The following PCDHGA3 variants were observed in gnomAD, a reference collection of about 807,000 sequenced individuals.
PCDHGA3 encodes the protein protocadherin gamma subfamily A, 3.
PCDHGA3 carries 40 observed loss-of-function variants against 58.5 expected under a neutral mutation model. The observed-to-expected ratio is 0.68, with a 90% CI of 0.53 to 0.89. PCDHGA3 has a LOEUF of 0.89. Among genes scored for constraint, PCDHGA3 ranks in the 40% least tolerant of loss-of-function variants. The pLI is 0.00. For synonymous variants in PCDHGA3, 530 were observed against 525.7 expected (o/e 1.01, Z -0.11); for missense variants, 1,223 against 1,195.9 (o/e 1.02, Z -0.33).
intron 1 of PCDHGA3, chr5:141,356,981 T>C: frequency 6.2e-7 from 1 of 1,614,246 alleles, no homozygotes; most frequent in South Asian, 1.1e-5. Flanking sequence ...GTGGTGGCAG[T>C]GGACAGAGAC....
At chr5:141,385,260 A>G (rs1337413063) in intron 1 of PCDHGA3, 1 of 1,613,648 alleles carries the variant, frequency 6.2e-7, no homozygotes, top group African/African-American at 1.3e-5. Flanking sequence ...GCTGTGAGAA[A>G]AATGATTCTT....
intron 1 of PCDHGA3, among the ~76,000 whole-genome samples, chr5:141,436,292 G>T (rs2097808605): frequency 6.6e-6 from 1 of 152,158 alleles, no homozygotes; most frequent in Non-Finnish European, 1.5e-5. Context: ...ACAAATCATT[G>T]AGAGTTAGAG....
rs375882135 is a variant in PCDHGA3 at position 141,389,276 on chromosome 5, G to C, written c.2424+42819G>C. The C allele has an allele frequency of 7.9e-5, 128 of 1,613,976 alleles. No individual in the cohort carries two copies. In the Middle Eastern group the frequency reaches 1.8e-3, roughly 23 times the overall value. On this transcript the variant is annotated intron_variant, in intron 1 of 3. Coordinates refer to ENST00000253812, the MANE Select transcript of PCDHGA3 (RefSeq NM_018916.4). ...TAGTCCACGTGGCCGAGAACAACCC[G>C]CCTGGAGCCTCTATTTCACAAGTCA...
chr5:141,468,648 C>G (rs60206946), intron 1 of PCDHGA3: 27,626 of 151,800 alleles, frequency 0.18, 2,687 homozygotes, highest in Admixed American at 0.28. Flanking sequence ...GGGCGGATCA[C>G]AAGGTCAGGA....
At chr5:141,414,520 A>G in intron 1 of PCDHGA3, 1 of 1,613,990 alleles carries the variant, frequency 6.2e-7, no homozygotes, top group Non-Finnish European at 8.5e-7. Flanking sequence ...AGTGGCAGAT[A>G]TCAATGACAA....
chr5:141,495,982 T>C (rs2099765062), intron 2 of PCDHGA3, among the ~76,000 whole-genome samples: 2 of 152,144 alleles, frequency 1.3e-5, no homozygotes. Context: ...TACTCTTTCT[T>C]TATCTCTCTT....
At chr5:141,416,657 A>C (rs1194195210) in intron 1 of PCDHGA3, 6 of 152,232 alleles carry the variant, frequency 3.9e-5, no homozygotes, top group Non-Finnish European at 7.3e-5. Context: ...TGTAAAAAAG[A>C]AAAGAATATA....
intron 1 of PCDHGA3, chr5:141,394,971 C>T: frequency 6.2e-7 from 1 of 1,613,938 alleles, no homozygotes. Context: ...GAGGCGCTGG[C>T]ACAAGTCACG....
chr5:141,483,501 G>T (rs1022338958), intron 1 of PCDHGA3, among the ~76,000 whole-genome samples: 1 of 150,394 alleles, frequency 6.6e-6, no homozygotes, highest in Non-Finnish European at 1.5e-5. Flanking sequence ...ATGAGTCAAG[G>T]CTGATCCCCC....
chr5:141,459,302 A>G (rs1401348885), intron 1 of PCDHGA3, among the ~76,000 whole-genome samples: 1 of 152,328 alleles, frequency 6.6e-6, no homozygotes, highest in Admixed American at 6.5e-5. Context: ...CCTATAACAT[A>G]TACTATTTTG....
chr5:141,375,200 G>C (rs755732164), intron 1 of PCDHGA3: 3 of 1,613,940 alleles, frequency 1.9e-6, no homozygotes, highest in Non-Finnish European at 2.5e-6. Flanking sequence ...TCAAGTGTTC[G>C]ATCGAGACTC....
rs577239742 is a variant in PCDHGA3 at position 141,501,564 on chromosome 5, T to C, written c.2484-3829T>C. ...CATAAGATCATAGGCCCTGGAATCA[T>C]ATTAGGCTGGCTTTCAGGTTGCAAC... On this transcript the variant is annotated intron_variant, in intron 2 of 3. Coordinates refer to ENST00000253812, the MANE Select transcript of PCDHGA3 (RefSeq NM_018916.4). 5.9e-5 allele frequency among the ~76,000 whole-genome samples: 9 copies of C among 152,194 alleles called. No individual in the cohort carries two copies. The South Asian group carries it at 1.7e-3, about 28-fold the overall frequency.
intron 1 of PCDHGA3, among the ~76,000 whole-genome samples, chr5:141,450,223 G>A (rs1458841129): frequency 2.0e-5 from 3 of 151,818 alleles, no homozygotes; most frequent in Non-Finnish European, 4.4e-5. Context: ...TCACTATGTT[G>A]GCCAGGCTAG....
At chr5:141,494,926 G>C in intron 2 of PCDHGA3, 61 bp downstream of exon 2, 2 of 1,613,498 alleles carry the variant, frequency 1.2e-6, no homozygotes, top group Non-Finnish European at 1.7e-6. Context: ...GGATGACGTG[G>C]GAGGAGATGG....
At chr5:141,439,739 G>A (rs867225156) in intron 1 of PCDHGA3, 4 of 152,312 alleles carry the variant, frequency 2.6e-5, no homozygotes, top group Non-Finnish European at 5.9e-5. Flanking sequence ...GGAACGGAAC[G>A]GATTTACAGG....
Position 141,487,540 on chromosome 5 carries a change from G to T in PCDHGA3, c.2425-7267G>T, listed in dbSNP as rs1319372340. The T allele has an allele frequency of 1.2e-6, 2 of 1,614,208 alleles. No homozygotes were observed. Among genetic ancestry groups the T allele is most frequent in the Admixed American group, 3.3e-5 (2 of 60,034 alleles). ...GGAGTGATAGCTTCATGATGGTGAA[G>T]TCACCCAGTGCACCTATGGCAGGGG... is the stretch of plus-strand genomic sequence containing the variant. On this transcript the variant is annotated intron_variant, in intron 1 of 3. Transcript: ENST00000253812. This position sits in a 1 kb window ranked among gnomAD's most constrained non-coding sequence, Gnocchi z 5.0.
rs545261528 is a variant in PCDHGA3 at position 141,404,038 on chromosome 5, G to C, written c.2424+57581G>C. 4.3e-6 allele frequency: 7 copies of C among 1,613,858 alleles called. No individual in the cohort carries two copies. The African/African-American group carries it at 8.0e-5, about 18-fold the overall frequency. ...GCCCAGTGAGAGAAGACGCACCTCA[G>C]GGAACAGTAATTCTTCTTTTCAATG... On this transcript the variant is annotated intron_variant, in intron 1 of 3. Coordinates refer to ENST00000253812, the MANE Select transcript of PCDHGA3 (RefSeq NM_018916.4).
rs376773009 is a variant in PCDHGA3, at chr5:141,511,838, C to T, written c.*665C>T. 64 of 156,854 alleles carry T rather than the reference C, an allele frequency of 4.1e-4. No homozygotes were observed. Among genetic ancestry groups the T allele is most frequent in the Non-Finnish European group, 6.8e-4 (48 of 70,726 alleles). The allele number at this position is 156,854 out of a possible 1,614,324, so 9.7% of individuals were successfully genotyped here. A position where few individuals can be genotyped will look rare whatever the true frequency, so the allele number is the denominator to read the frequency against. ...TCTTCCCAACGCCCTGGGGACCAGTCTTCTGTTTTGTTTTTCATTGTTTGA... is the reference window on the plus strand; with the variant it reads ...TCTTCCCAACGCCCTGGGGACCAGTTTTCTGTTTTGTTTTTCATTGTTTGA... On this transcript the variant is annotated 3_prime_UTR_variant, in exon 4 of 4. Transcript: ENST00000253812.
chr5:141,432,237 A>T lies in PCDHGA3; in HGVS notation c.2425-62570A>T. ...GCCCAGATCACTTATTCCCTGGCTG[A>T]GAACACCATCCAAGGGGCAAGCCTA... On this transcript the variant is annotated intron_variant, in intron 1 of 3. Transcript: ENST00000253812. The surrounding 1 kb of genome is among the most constrained non-coding windows in gnomAD (Gnocchi z 6.0). The T allele has an allele frequency of 2.5e-6, 4 of 1,614,224 alleles. No individual in the cohort carries two copies. Among genetic ancestry groups the T allele is most frequent in the Non-Finnish European group, 3.4e-6 (4 of 1,180,032 alleles).
Sources: allele counts gnomAD v4.1 joint callset (sites outside exome capture counted in the v4.1 genomes callset), GRCh38; gene constraint gnomAD v4.1.1; non-coding constraint Gnocchi (gnomAD v3.1); transcripts MANE v1.5; gene names NCBI Gene and HGNC (gene_info 2026-07-23, HGNC 2026-07-21).